ARHGEF28: variants seen among roughly 807,000 people sequenced by gnomAD.
ARHGEF28 encodes 190 kDa guanine nucleotide exchange factor.
In ARHGEF28, 152 loss-of-function variants were observed where a neutral mutation model predicts 206.6. That is an observed-to-expected ratio of 0.74 (90% CI 0.64 to 0.84). ARHGEF28 has a LOEUF of 0.84. Among genes scored for constraint, ARHGEF28 ranks in the 40% least tolerant of loss-of-function variants. The probability of loss-of-function intolerance (pLI) is 0.00; values close to 1 mark genes in which losing one functional copy is unlikely to be tolerated. For missense variants in ARHGEF28, 2,028 were observed against 2,073.2 expected, an observed-to-expected ratio of 0.98 and a Z score of 0.42; for synonymous variants, 763 against 776.4, an observed-to-expected ratio of 0.98 and a Z score of 0.29.
chr5:73,675,751 A>AAG (rs1433088275), intron 1 of ARHGEF28, among the ~76,000 whole-genome samples: 2 of 151,274 alleles, frequency 1.3e-5, no homozygotes, highest in African/African-American at 4.8e-5. Flanking sequence ...AAAAAAAAAA[A>AAG]AAAGAAAATA....
intron 25 of ARHGEF28, among the ~76,000 whole-genome samples, chr5:73,886,567 C>T (rs1254212943): frequency 2.6e-5 from 4 of 152,186 alleles, no homozygotes; most frequent in Non-Finnish European, 5.9e-5. Context: ...CACCTGCTGA[C>T]GTGGTTTAAG....
chr5:73,860,340 G>A (rs974243597), intron 16 of ARHGEF28, among the ~76,000 whole-genome samples: 1 of 152,286 alleles, frequency 6.6e-6, no homozygotes, highest in East Asian at 1.9e-4. Flanking sequence ...CCACTTTGGA[G>A]AATTATGGTA....
chr5:73,709,627 T>C (rs1161665861), intron 2 of ARHGEF28, among the ~76,000 whole-genome samples: 1 of 152,148 alleles, frequency 6.6e-6, no homozygotes, highest in Non-Finnish European at 1.5e-5. Context: ...TTCACATGAT[T>C]GCTAACAGGC....
intron 35 of ARHGEF28, among the ~76,000 whole-genome samples, chr5:73,915,205 A>G (rs899709402): frequency 7.2e-5 from 11 of 151,984 alleles, no homozygotes; most frequent in East Asian, 3.9e-4. Flanking sequence ...ATATTTCTAA[A>G]TGTTTTGGAT....
At chr5:73,933,622 T>C (rs967651375) in intron 35 of ARHGEF28, among the ~76,000 whole-genome samples, 3 of 152,212 alleles carry the variant, frequency 2.0e-5, no homozygotes, top group Non-Finnish European at 2.9e-5. Context: ...TAAAATGTTA[T>C]AGAACTTTTC....
intron 5 of ARHGEF28, among the ~76,000 whole-genome samples, chr5:73,774,989 A>G (rs1030065573): frequency 6.6e-6 from 1 of 152,238 alleles, no homozygotes; most frequent in African/African-American, 2.4e-5. Context: ...ATAAGTGGAC[A>G]TTAGAGTAGA....
chr5:73,846,133 C>G (rs1374836198), intron 11 of ARHGEF28, 135 bp from the exon 12 acceptor site: 3 of 736,374 alleles, frequency 4.1e-6, no homozygotes, highest in African/African-American at 1.8e-5. Flanking sequence ...TAATTAAATA[C>G]TAGTTGGAAA....
chr5:73,692,091 T>C (rs1747868026), intron 2 of ARHGEF28, among the ~76,000 whole-genome samples: 1 of 152,234 alleles, frequency 6.6e-6, no homozygotes. Context: ...GATTATGTTC[T>C]CATTTTCATT....
At chr5:73,708,695 G>A (rs1388324356) in intron 2 of ARHGEF28, among the ~76,000 whole-genome samples, 1 of 152,080 alleles carries the variant, frequency 6.6e-6, no homozygotes, top group Middle Eastern at 3.2e-3. Context: ...CTTTTTGGTA[G>A]ACCAATTAAT....
intron 2 of ARHGEF28, among the ~76,000 whole-genome samples, chr5:73,697,612 C>A (rs1306619204): frequency 6.6e-6 from 1 of 152,112 alleles, no homozygotes; most frequent in Non-Finnish European, 1.5e-5. Flanking sequence ...CCCCCTCCCA[C>A]AATAACCCAT....
Position 73,882,560 on chromosome 5 carries a change from T to C in ARHGEF28, c.2903T>C (p.Leu968Pro). 1 of 1,513,490 alleles carries C rather than the reference T, an allele frequency of 6.6e-7. No individual in the cohort carries two copies. The highest frequency in any genetic ancestry group is 8.9e-7 in the Non-Finnish European group (1 of 1,125,352). 93.8% of individuals were successfully genotyped at this position (1,513,490 alleles called of 1,614,324 possible). Residue 968 changes from leucine (L) to proline (P), a missense_variant, in exon 23 of 36, where the codon CTC (leucine) becomes CCC (proline). Transcript: ENST00000513042. ...HKEAVNLFKE[L>P]QQNKKFQNFI... ...GAAGCTGTTAACCTCTTTAAAGAAC[T>C]CCAGCAGAATAAAAAGTTTCAGAAT... is the stretch of plus-strand genomic sequence containing the variant.
At chr5:73,754,678 A>G (rs867734449) in intron 4 of ARHGEF28, among the ~76,000 whole-genome samples, 6 of 152,162 alleles carry the variant, frequency 3.9e-5, no homozygotes, top group South Asian at 2.1e-4. Flanking sequence ...AATTTCTACA[A>G]TGAGTCATAG....
intron 10 of ARHGEF28, 58 bp from the exon 11 acceptor site, chr5:73,840,422 T>C (rs1333374694): frequency 1.9e-6 from 3 of 1,543,344 alleles, no homozygotes; most frequent in South Asian, 1.2e-5. Flanking sequence ...TTATTAATTC[T>C]TAGCTAGGCC....
chr5:73,645,166 ATTAAG>A (rs1443893796), intron 1 of ARHGEF28, among the ~76,000 whole-genome samples: 2 of 152,094 alleles, frequency 1.3e-5, no homozygotes, highest in Admixed American at 6.6e-5. Flanking sequence ...AAATCAAATT[ATTAAG>A]TTGTTTGTTT....
intron 22 of ARHGEF28, among the ~76,000 whole-genome samples, 178 bp from the exon 23 acceptor site, chr5:73,882,294 A>C (rs1761002384): frequency 6.6e-6 from 1 of 152,164 alleles, no homozygotes; most frequent in African/African-American, 2.4e-5. Flanking sequence ...CCACTCAACA[A>C]CTTTCTTTTA....
chr5:73,926,305 CCTT>C (rs1305219719), intron 35 of ARHGEF28, among the ~76,000 whole-genome samples: 5 of 152,162 alleles, frequency 3.3e-5, no homozygotes, highest in African/African-American at 4.8e-5. Flanking sequence ...GACATAGCTT[CCTT>C]CTTACTGTGC....
chr5:73,901,430 T>G lies in ARHGEF28; in HGVS notation c.4074+146T>G, dbSNP rs1440806685. The G allele has an allele frequency of 2.4e-5, 14 of 594,398 alleles. No homozygotes were observed. In the East Asian group the frequency reaches 4.2e-4, roughly 18 times the overall value. 36.8% of individuals were successfully genotyped at this position (594,398 alleles called of 1,614,324 possible). On this transcript the variant is annotated intron_variant, in intron 31 of 35. Transcript: ENST00000513042. ...TGATTTAAATATTCATATTTAAACT[T>G]TCTAACTTATTTCTTCTTCAAATGT...
intron 2 of ARHGEF28, among the ~76,000 whole-genome samples, chr5:73,702,580 A>G (rs1257919035): frequency 3.3e-5 from 5 of 152,172 alleles, no homozygotes; most frequent in African/African-American, 1.2e-4. Flanking sequence ...GCTGGATCAT[A>G]TGGTAATTCT....
At chr5:73,904,150 T>G in intron 31 of ARHGEF28, 72 bp from the exon 32 acceptor site, 3 of 1,455,010 alleles carry the variant, frequency 2.1e-6, no homozygotes, top group Non-Finnish European at 2.9e-6. Context: ...AGGTCATACA[T>G]TTTGGGACAC....
Sources: allele counts gnomAD v4.1 joint callset (sites outside exome capture counted in the v4.1 genomes callset), GRCh38; gene constraint gnomAD v4.1.1; transcripts MANE v1.5; gene names NCBI Gene and HGNC (gene_info 2026-07-23, HGNC 2026-07-21).